Variants in MTUS2 observed in about 807,000 individuals in gnomAD.
The protein encoded by MTUS2 is microtubule-associated tumor suppressor candidate 2.
Under a neutral mutation model 114.1 loss-of-function variants are expected in MTUS2, and 40 were observed. The observed-to-expected ratio is 0.35, with a 90% CI of 0.27 to 0.46. MTUS2 has a LOEUF of 0.46. MTUS2 is among the 20% of genes least tolerant of loss of function. MTUS2 has a pLI of 1.00. For missense variants in MTUS2, 1,679 were observed against 1,705.4 expected, an observed-to-expected ratio of 0.98 and a Z score of 0.27; for synonymous variants, 688 against 672.0, an observed-to-expected ratio of 1.02 and a Z score of -0.37.
Position 29,269,221 on chromosome 13 carries a change from A to G in MTUS2, c.2645-12483A>G, listed in dbSNP as rs74548682. 9.4e-3 allele frequency among the ~76,000 whole-genome samples: 1,431 copies of G among 152,122 alleles called. 19 individuals are homozygous for G. Among genetic ancestry groups the G allele is most frequent in the African/African-American group, 0.033 (1,351 of 41,490 alleles). On this transcript the variant is annotated intron_variant, in intron 5 of 15. Coordinates refer to ENST00000612955, the MANE Select transcript of MTUS2 (RefSeq NM_001033602.4). ...GTCCTTAGGTCAGATTCATAACTCA[A>G]TCTCTTCCTGGAGAAGAATCTGCCT...
chr13:29,305,272 G>GGA (rs1424686363), intron 6 of MTUS2, among the ~76,000 whole-genome samples: 2 of 151,820 alleles, frequency 1.3e-5, no homozygotes, highest in Non-Finnish European at 2.9e-5. Context: ...CAGAAGACAA[G>GGA]GAATAACCAA....
chr13:29,136,929 A>T (rs1892003349), intron 5 of MTUS2, among the ~76,000 whole-genome samples: 1 of 152,158 alleles, frequency 6.6e-6, no homozygotes. Context: ...GTGGGATGTG[A>T]TGCTATTTCC....
At chr13:29,046,650 C>G (rs866060050) in intron 4 of MTUS2, among the ~76,000 whole-genome samples, 13 of 152,222 alleles carry the variant, frequency 8.5e-5, no homozygotes, top group South Asian at 2.1e-4. Flanking sequence ...AGAAAATAGA[C>G]TTGTGGGATA....
intron 5 of MTUS2, among the ~76,000 whole-genome samples, chr13:29,203,308 CTG>C (rs1566063965): frequency 1.3e-5 from 2 of 152,184 alleles, no homozygotes; most frequent in East Asian, 3.9e-4. Context: ...TTTGTTTACA[CTG>C]TGAGGGGAAA....
intron 9 of MTUS2, among the ~76,000 whole-genome samples, chr13:29,477,886 A>T (rs567414429): frequency 1.3e-5 from 2 of 152,300 alleles, no homozygotes; most frequent in African/African-American, 4.8e-5. Context: ...TCAGTAATAC[A>T]CATTATTTTC....
chr13:28,937,555 A>G (rs867407093), intron 2 of MTUS2, among the ~76,000 whole-genome samples: 6 of 152,096 alleles, frequency 3.9e-5, no homozygotes, highest in African/African-American at 1.4e-4. Context: ...CCCTGGCTTC[A>G]TTCTTGAAGT....
At chr13:29,022,603 A>T (rs188265393) in intron 2 of MTUS2, among the ~76,000 whole-genome samples, 1 of 152,248 alleles carries the variant, frequency 6.6e-6, no homozygotes, top group African/African-American at 2.4e-5. Flanking sequence ...GTAGCCTCAC[A>T]TGTGGTGTGC....
intron 7 of MTUS2, among the ~76,000 whole-genome samples, chr13:29,330,484 G>T (rs960211709): frequency 6.6e-6 from 1 of 152,058 alleles, no homozygotes; most frequent in African/African-American, 2.4e-5. Flanking sequence ...CACAGCTTTT[G>T]GTGTTTTAGT....
At chr13:29,015,742 CATG>C (rs1175659697) in intron 2 of MTUS2, among the ~76,000 whole-genome samples, 1 of 152,012 alleles carries the variant, frequency 6.6e-6, no homozygotes, top group Non-Finnish European at 1.5e-5. Context: ...GATTATTAAA[CATG>C]ATGAAGTATT....
At chr13:29,028,032 T>C (rs1377998416) in intron 3 of MTUS2, among the ~76,000 whole-genome samples, 1 of 152,150 alleles carries the variant, frequency 6.6e-6, no homozygotes, top group Non-Finnish European at 1.5e-5. Context: ...TGAAGGAGTC[T>C]CTTCATGACA....
Position 29,504,759 on chromosome 13 carries a change from T to G in MTUS2, c.*1553T>G, listed in dbSNP as rs1230053464. 4.3e-6 allele frequency: 1 copy of G among 233,098 alleles called. No individual in the cohort carries two copies. Among genetic ancestry groups the G allele is most frequent in the Non-Finnish European group, 8.5e-6 (1 of 118,042 alleles). 14.4% of individuals were successfully genotyped at this position (233,098 alleles called of 1,614,324 possible). A position where few individuals can be genotyped will look rare whatever the true frequency, so the allele number is the denominator to read the frequency against. On this transcript the variant is annotated 3_prime_UTR_variant, in exon 16 of 16. Transcript: ENST00000612955. Reference sequence around the variant, plus strand: ...TGTATGTGACAAAGACCCTGCACTTTCTCCCTGAGACCCCCCCAAAATTGT... The same window carrying G: ...TGTATGTGACAAAGACCCTGCACTTGCTCCCTGAGACCCCCCCAAAATTGT...
At chr13:29,098,467 C>T (rs201057940) in intron 4 of MTUS2, among the ~76,000 whole-genome samples, 1 of 96,886 alleles carries the variant, frequency 1.0e-5, no homozygotes, top group Admixed American at 1.1e-4. Flanking sequence ...CACACACACA[C>T]ATGTGCGTGC....
At chr13:29,356,006 G>T (rs1177255526) in intron 7 of MTUS2, among the ~76,000 whole-genome samples, 8 of 152,266 alleles carry the variant, frequency 5.3e-5, no homozygotes, top group Non-Finnish European at 8.8e-5. Context: ...TGCTTCTTTG[G>T]AAAGAGTCTA....
At chr13:29,458,061 T>C (rs1428605249) in intron 9 of MTUS2, among the ~76,000 whole-genome samples, 2 of 152,172 alleles carry the variant, frequency 1.3e-5, no homozygotes, top group Non-Finnish European at 2.9e-5. Context: ...CGAGCACTTT[T>C]TATGTGACAA....
chr13:29,438,155 C>A (rs893799646), intron 8 of MTUS2, among the ~76,000 whole-genome samples: 1 of 152,136 alleles, frequency 6.6e-6, no homozygotes, highest in Non-Finnish European at 1.5e-5. Flanking sequence ...ATCCTCATGA[C>A]AACCCTGCAC....
chr13:29,487,961 T>C lies in MTUS2; in HGVS notation c.3461T>C (p.Val1154Ala), dbSNP rs920585235. ...CTAGAGATGGAAAATAACCACACAGTTGCCATCACAATCCTGCAGGATGAC... is the reference window on the plus strand; with the variant it reads ...CTAGAGATGGAAAATAACCACACAGCTGCCATCACAATCCTGCAGGATGAC... The part of the protein sequence containing the change: ...ALLEMENNHT[V>A]AITILQDDHD... The change falls in exon 11 of 16, where the codon GTT becomes GCT. Residue 1154 changes from valine to alanine, a missense_variant. Coordinates refer to ENST00000612955, the MANE Select transcript of MTUS2 (RefSeq NM_001033602.4). 2.5e-6 allele frequency: 4 copies of C among 1,613,984 alleles called. No homozygotes were observed. The highest frequency in any genetic ancestry group is 2.7e-5 in the African/African-American group (2 of 74,914).
intron 5 of MTUS2, among the ~76,000 whole-genome samples, chr13:29,183,100 G>T (rs957482567): frequency 5.3e-5 from 8 of 152,204 alleles, no homozygotes; most frequent in African/African-American, 1.9e-4. Context: ...CCATCTGGCT[G>T]CTGTGTTCTG....
intron 6 of MTUS2, among the ~76,000 whole-genome samples, chr13:29,301,717 C>T (rs527424446): frequency 1.3e-5 from 2 of 152,324 alleles, no homozygotes; most frequent in African/African-American, 4.8e-5. Flanking sequence ...TGACTGGATA[C>T]ACTAGTACAG....
chr13:28,927,319 A>C (rs1881377301), intron 2 of MTUS2, among the ~76,000 whole-genome samples: 1 of 152,118 alleles, frequency 6.6e-6, no homozygotes, highest in Non-Finnish European at 1.5e-5. Flanking sequence ...GAGGTGGAAG[A>C]ATCATTTGAG....
Sources: allele counts gnomAD v4.1 joint callset (sites outside exome capture counted in the v4.1 genomes callset), GRCh38; gene constraint gnomAD v4.1.1; transcripts MANE v1.5; gene names NCBI Gene and HGNC (gene_info 2026-07-23, HGNC 2026-07-21).